The following BBS9 variants were observed in gnomAD, a reference collection of about 807,000 sequenced individuals.
BBS9 encodes the protein protein PTHB1.
A neutral mutation model predicts 117.7 loss-of-function variants in BBS9; 89 were observed. The observed-to-expected ratio is 0.76, with a 90% CI of 0.64 to 0.90. The LOEUF (loss-of-function observed/expected upper bound fraction) is 0.90. BBS9 is among the 40% of genes least tolerant of loss of function. BBS9 has a pLI of 0.00. For synonymous variants in BBS9, 379 were observed against 370.9 expected, an observed-to-expected ratio of 1.02 and a Z score of -0.25; for missense variants, 982 against 1,042.2, an observed-to-expected ratio of 0.94 and a Z score of 0.80.
intron 9 of BBS9, among the ~76,000 whole-genome samples, chr7:33,320,299 C>T (rs114013937): frequency 0.068 from 10,407 of 152,108 alleles, 404 homozygotes; most frequent in African/African-American, 0.078. Flanking sequence ...TGAATTCAAT[C>T]GTTTTAATTT....
chr7:33,385,137 G>A (rs555161278), intron 18 of BBS9, among the ~76,000 whole-genome samples: 2 of 152,200 alleles, frequency 1.3e-5, no homozygotes, highest in East Asian at 3.9e-4. Context: ...ATTTGAAATA[G>A]AGAATACTAG....
At chr7:33,480,453 C>A (rs1056925474) in intron 19 of BBS9, among the ~76,000 whole-genome samples, 2 of 152,008 alleles carry the variant, frequency 1.3e-5, no homozygotes, top group Non-Finnish European at 2.9e-5. Flanking sequence ...AAATGAATAG[C>A]GTAGGTAATA....
intron 5 of BBS9, among the ~76,000 whole-genome samples, chr7:33,198,791 A>G (rs915506121): frequency 6.6e-6 from 1 of 151,968 alleles, no homozygotes; most frequent in Non-Finnish European, 1.5e-5. Flanking sequence ...GGAAGAATGA[A>G]TTTTATTAGG....
chr7:33,388,509 A>G (rs1276122313), intron 19 of BBS9, among the ~76,000 whole-genome samples: 1 of 152,260 alleles, frequency 6.6e-6, no homozygotes, highest in Non-Finnish European at 1.5e-5. Context: ...GGTGCATTCC[A>G]TAATTATTAC....
intron 21 of BBS9, among the ~76,000 whole-genome samples, chr7:33,582,869 T>C (rs1860220017): frequency 6.6e-6 from 1 of 152,138 alleles, no homozygotes; most frequent in Admixed American, 6.6e-5. Context: ...GTTGCACGTC[T>C]GCTCAGTTTG....
chr7:33,211,398 G>A (rs1039020429), intron 5 of BBS9, among the ~76,000 whole-genome samples: 3 of 151,974 alleles, frequency 2.0e-5, no homozygotes, highest in African/African-American at 7.2e-5. Flanking sequence ...TTAAATTGAT[G>A]ACAGTATAAC....
intron 5 of BBS9, among the ~76,000 whole-genome samples, chr7:33,251,672 T>C (rs549195330): frequency 6.6e-6 from 1 of 152,338 alleles, no homozygotes; most frequent in African/African-American, 2.4e-5. Flanking sequence ...GAAATAATAA[T>C]GTGTTTGGGT....
At chr7:33,436,474 AT>A (rs1316629869) in intron 19 of BBS9, among the ~76,000 whole-genome samples, 2 of 152,226 alleles carry the variant, frequency 1.3e-5, no homozygotes, top group Admixed American at 1.3e-4. Context: ...CCTAAGGATT[AT>A]ATAATTGATA....
In BBS9 at chr7:33,467,565, CAACT is replaced by C. The variant is rs145184839; in HGVS notation, c.2116-37897_2116-37894del. Among the ~76,000 whole-genome samples, 200 of 144,968 alleles carry C rather than the reference CAACT, an allele frequency of 1.4e-3. 1 individual carries two copies. The highest frequency in any genetic ancestry group is 7.0e-3 in the Middle Eastern group (2 of 286). On this transcript the variant is annotated intron_variant, in intron 19 of 22. Transcript: ENST00000242067. Reference sequence around the variant, plus strand: ...ATTCACCAGTGCTGTGGGAACCCCCCAACTCCGCCACCTCCACTATTGTAGTTGT... The same window carrying C: ...ATTCACCAGTGCTGTGGGAACCCCCCCCGCCACCTCCACTATTGTAGTTGT...
chr7:33,496,694 A>G (rs1844769212), intron 19 of BBS9, among the ~76,000 whole-genome samples: 1 of 152,212 alleles, frequency 6.6e-6, no homozygotes, highest in African/African-American at 2.4e-5. Context: ...TATGCCTTCA[A>G]AGTAAAAGCC....
chr7:33,179,205 A>G (rs983519946), intron 5 of BBS9, among the ~76,000 whole-genome samples: 3 of 152,212 alleles, frequency 2.0e-5, no homozygotes, highest in Non-Finnish European at 4.4e-5. Context: ...AAATTATAAC[A>G]TGAGAAAAAA....
At chr7:33,356,699 C>T (rs910428339) in intron 15 of BBS9, among the ~76,000 whole-genome samples, 3 of 151,794 alleles carry the variant, frequency 2.0e-5, no homozygotes, top group Non-Finnish European at 3.0e-5. Flanking sequence ...AGTGTACTCC[C>T]AGCTTGGATG....
chr7:33,629,316 G>A (rs1221086374), intron 21 of BBS9, among the ~76,000 whole-genome samples: 1 of 152,112 alleles, frequency 6.6e-6, no homozygotes, highest in Non-Finnish European at 1.5e-5. Context: ...GGGGGTTCTT[G>A]CTAAAATACT....
intron 19 of BBS9, among the ~76,000 whole-genome samples, chr7:33,450,414 TGTA>T (rs1837629150): frequency 6.6e-6 from 1 of 152,202 alleles, no homozygotes; most frequent in African/African-American, 2.4e-5. Context: ...TAGATCATGT[TGTA>T]GTTCTATTGT....
At chr7:33,331,237 T>G (rs751753166) in intron 9 of BBS9, among the ~76,000 whole-genome samples, 13 of 152,082 alleles carry the variant, frequency 8.5e-5, no homozygotes, top group Admixed American at 5.2e-4. Context: ...TGATAAAAAC[T>G]CTCAATAAAA....
intron 21 of BBS9, among the ~76,000 whole-genome samples, chr7:33,567,703 A>G (rs1010223267): frequency 2.6e-5 from 4 of 152,152 alleles, no homozygotes; most frequent in African/African-American, 7.2e-5. Context: ...AGATCCATAC[A>G]TCCAGTTGTT....
intron 5 of BBS9, among the ~76,000 whole-genome samples, chr7:33,186,278 TA>T (rs1467261089): frequency 6.6e-6 from 1 of 152,226 alleles, no homozygotes; most frequent in Non-Finnish European, 1.5e-5. Flanking sequence ...AGGTGTGCTA[TA>T]GCCCTATGTC....
chr7:33,565,700 T>G (rs1211026459), intron 21 of BBS9, among the ~76,000 whole-genome samples: 1 of 146,742 alleles, frequency 6.8e-6, no homozygotes, highest in Non-Finnish European at 1.5e-5. Context: ...AGGTCTGACT[T>G]GGAAACTTGC....
chr7:33,177,481 C>T lies in BBS9; in HGVS notation c.332C>T (p.Thr111Ile), dbSNP rs750627869. 2 of 1,597,136 alleles carry T rather than the reference C, an allele frequency of 1.3e-6. No homozygotes were observed. Among genetic ancestry groups the T allele is most frequent in the Admixed American group, 1.7e-5 (1 of 59,682 alleles). ...ATCCTTTTTTTTTTTTCCTTAGGAA[C>T]CTTGGGTAATGTGGAACATGGGAAC... ...RKLCVYSVSGTLGNVEHGNQC... is the reference protein window; with the variant it reads ...RKLCVYSVSGILGNVEHGNQC... The change falls in exon 5 of 23, where the codon ACC (threonine) becomes ATC (isoleucine). Residue 111 changes from threonine to isoleucine, a missense_variant. Physicochemically the swap from Thr to Ile is moderately conservative, Grantham distance 89. Transcript: ENST00000242067.
Sources: allele counts gnomAD v4.1 joint callset (sites outside exome capture counted in the v4.1 genomes callset), GRCh38; gene constraint gnomAD v4.1.1; transcripts MANE v1.5; gene names NCBI Gene and HGNC (gene_info 2026-07-23, HGNC 2026-07-21).